Variants in GNA14 observed in about 807,000 individuals in gnomAD.
GNA14 encodes the protein G protein subunit alpha 14.
In GNA14, 50 loss-of-function variants were observed where a neutral mutation model predicts 42.0. That is an observed-to-expected ratio of 1.19 (90% CI 0.95 to 1.51). The LOEUF is 1.51. Ranked by LOEUF, GNA14 falls within the 40% of genes most tolerant of loss-of-function variation. The pLI is 0.00. For synonymous variants in GNA14, 173 were observed against 163.1 expected (o/e 1.06, Z -0.46); for missense variants, 473 against 446.2 (o/e 1.06, Z -0.54).
intron 1 of GNA14, among the ~76,000 whole-genome samples, chr9:77,583,683 C>G (rs899590406): frequency 4.6e-5 from 7 of 152,134 alleles, no homozygotes; most frequent in African/African-American, 7.2e-5. Flanking sequence ...CCGACTCCCC[C>G]ACTCCAAAAA....
At chr9:77,467,326 C>T (rs774586760) in intron 2 of GNA14, among the ~76,000 whole-genome samples, 7 of 151,994 alleles carry the variant, frequency 4.6e-5, no homozygotes, top group Non-Finnish European at 1.0e-4. Flanking sequence ...TCCAATAAAT[C>T]TACATGTTAC....
At chr9:77,451,771 C>G (rs1835905414) in intron 2 of GNA14, among the ~76,000 whole-genome samples, 1 of 152,208 alleles carries the variant, frequency 6.6e-6, no homozygotes, top group Non-Finnish European at 1.5e-5. Context: ...ACCCGAGATT[C>G]TTTGTTGTAA....
At chr9:77,600,209 T>C (rs1215991087) in intron 1 of GNA14, among the ~76,000 whole-genome samples, 1 of 152,198 alleles carries the variant, frequency 6.6e-6, no homozygotes, top group Non-Finnish European at 1.5e-5. Flanking sequence ...GATAGTGCAG[T>C]TAAAGGAGAG....
intron 1 of GNA14, among the ~76,000 whole-genome samples, chr9:77,555,002 T>C (rs934717073): frequency 4.6e-5 from 7 of 152,092 alleles, no homozygotes; most frequent in African/African-American, 1.5e-4. Context: ...AATAAGTTAG[T>C]GCAGATGCTT....
chr9:77,531,787 A>G (rs576050153), intron 1 of GNA14, among the ~76,000 whole-genome samples: 4 of 152,192 alleles, frequency 2.6e-5, no homozygotes, highest in Non-Finnish European at 5.9e-5. Context: ...CCCCACCACC[A>G]GCCCCAAACA....
At chr9:77,461,132 C>T (rs1836096807) in intron 2 of GNA14, among the ~76,000 whole-genome samples, 1 of 152,216 alleles carries the variant, frequency 6.6e-6, no homozygotes, top group South Asian at 2.1e-4. Flanking sequence ...GGGTCCCCAG[C>T]AGGCTCTCAC....
chr9:77,627,885 T>C (rs1824037730), intron 1 of GNA14, among the ~76,000 whole-genome samples: 2 of 152,094 alleles, frequency 1.3e-5, no homozygotes, highest in African/African-American at 4.8e-5. Flanking sequence ...TTGGAAGATC[T>C]AGCCAGAGCA....
chr9:77,592,398 A>G (rs528986714), intron 1 of GNA14, among the ~76,000 whole-genome samples: 57 of 152,334 alleles, frequency 3.7e-4, no homozygotes, highest in South Asian at 1.9e-3. Flanking sequence ...GCTTGCTTTT[A>G]TTAGTTGTCA....
intron 1 of GNA14, among the ~76,000 whole-genome samples, chr9:77,617,390 C>T (rs1823840671): frequency 6.6e-6 from 1 of 152,084 alleles, no homozygotes; most frequent in African/African-American, 2.4e-5. Flanking sequence ...TGATGACATC[C>T]TTGCATACTC....
chr9:77,617,166 G>A (rs749653312), intron 1 of GNA14, among the ~76,000 whole-genome samples: 5 of 151,768 alleles, frequency 3.3e-5, no homozygotes, highest in East Asian at 1.9e-4. Flanking sequence ...CACTGCGCTC[G>A]GCCTCTAGCC....
intron 1 of GNA14, among the ~76,000 whole-genome samples, chr9:77,564,696 G>A (rs1345097928): frequency 6.6e-6 from 1 of 152,050 alleles, no homozygotes. Context: ...AGCTGGGCAT[G>A]GTGGTGTGTG....
chr9:77,511,231 C>G (rs1310710121), intron 2 of GNA14, among the ~76,000 whole-genome samples: 2 of 152,124 alleles, frequency 1.3e-5, no homozygotes, highest in Non-Finnish European at 2.9e-5. Flanking sequence ...ATCATCTGGT[C>G]AAGTTCTTCT....
At chr9:77,478,027 T>C (rs1836463812) in intron 2 of GNA14, among the ~76,000 whole-genome samples, 1 of 118,376 alleles carries the variant, frequency 8.4e-6, no homozygotes, top group South Asian at 2.9e-4. Context: ...TTTTTAAAGG[T>C]GTCTTTTTTT....
At chr9:77,558,760 G>A (rs1280245745) in intron 1 of GNA14, among the ~76,000 whole-genome samples, 4 of 152,096 alleles carry the variant, frequency 2.6e-5, no homozygotes. Flanking sequence ...TATAAAGTCA[G>A]AAGAAGCCTC....
chr9:77,428,997 C>A lies in GNA14; in HGVS notation c.633G>T (p.Lys211Asn), dbSNP rs904111887. Residue 211 changes from lysine to asparagine, a missense_variant, in exon 5 of 7, where the codon AAG becomes AAT. Lys to Asn is a moderately conservative substitution (Grantham distance 94). Transcript: ENST00000341700. ...TGACACTCTCAAAGCAGTGAATCCA[C>A]TTCCGTCTTTCCGATCGTTGGCCAC... is the stretch of plus-strand genomic sequence containing the variant. ...DVGGQRSERRKWIHCFESVTS... is the reference protein window; with the variant it reads ...DVGGQRSERRNWIHCFESVTS... The A allele has an allele frequency of 1.9e-6, 3 of 1,613,886 alleles. No individual in the cohort carries two copies. The African/African-American group carries it at 4.0e-5, about 22-fold the overall frequency.
At chr9:77,451,408 T>C (rs1164169511) in intron 2 of GNA14, among the ~76,000 whole-genome samples, 2 of 152,230 alleles carry the variant, frequency 1.3e-5, no homozygotes, top group African/African-American at 4.8e-5. Context: ...TTTAGAGTGC[T>C]CTAAAGCAAT....
chr9:77,466,669 T>C (rs559103020), intron 2 of GNA14, among the ~76,000 whole-genome samples: 103 of 152,310 alleles, frequency 6.8e-4, no homozygotes, highest in Admixed American at 7.2e-4. Flanking sequence ...CACACTTTGT[T>C]ATTTGTTTGC....
intron 4 of GNA14, among the ~76,000 whole-genome samples, chr9:77,429,413 C>T (rs1365746736): frequency 2.0e-5 from 3 of 152,166 alleles, no homozygotes; most frequent in South Asian, 4.1e-4. Flanking sequence ...AGCTGTCTTC[C>T]GGGTCTCCCA....
Position 77,597,894 on chromosome 9 carries a change from T to C in GNA14, c.124+49776A>G, listed in dbSNP as rs1337429910. 2.6e-5 allele frequency among the ~76,000 whole-genome samples: 4 copies of C among 151,992 alleles called. No individual in the cohort carries two copies. In the East Asian group the frequency reaches 7.8e-4, roughly 30 times the overall value. ...CTGGCCAACATGGTGAAACCCCATC[T>C]CCATAAAAAAAATACAAAAATTAGC... On this transcript the variant is annotated intron_variant, in intron 1 of 6. Coordinates refer to ENST00000341700, the MANE Select transcript of GNA14 (RefSeq NM_004297.4).
Sources: gnomAD v4.1 joint callset for allele counts (sites outside exome capture counted in the v4.1 genomes callset) on GRCh38, gnomAD v4.1.1 for gene constraint, MANE v1.5 for transcripts, NCBI Gene and HGNC (gene_info 2026-07-23, HGNC 2026-07-21) for gene names.